The following CLEC16A variants were observed in gnomAD, a reference collection of about 807,000 sequenced individuals.
The protein encoded by CLEC16A is C-type lectin domain containing 16A, also known as protein CLEC16A.
In CLEC16A, 51 loss-of-function variants were observed where a neutral mutation model predicts 109.5. That is an observed-to-expected ratio of 0.47 (90% CI 0.37 to 0.59). The LOEUF is 0.59. Ranked by LOEUF, CLEC16A falls within the 20% of genes least tolerant of loss-of-function variation. The probability of loss-of-function intolerance (pLI) is 0.00; values close to 1 mark genes in which losing one functional copy is unlikely to be tolerated. For synonymous variants in CLEC16A, 673 were observed against 564.2 expected, an observed-to-expected ratio of 1.19 and a Z score of -2.73; for missense variants, 1,339 against 1,394.0, an observed-to-expected ratio of 0.96 and a Z score of 0.63.
At chr16:11,092,877 A>G (rs2152968127) in intron 19 of CLEC16A, among the ~76,000 whole-genome samples, 1 of 152,308 alleles carries the variant, frequency 6.6e-6, no homozygotes, top group Middle Eastern at 3.4e-3. Context: ...TTGATCCATA[A>G]TAGAATCCCC....
chr16:10,960,967 A>G lies in CLEC16A; in HGVS notation c.210-1488A>G, dbSNP rs372013790. On this transcript the variant is annotated intron_variant, in intron 2 of 23. Coordinates refer to ENST00000409790, the MANE Select transcript of CLEC16A (RefSeq NM_015226.3). Reference sequence around the variant, plus strand: ...TACTGTAAAATGCTCCAGTCCTACAATCACCCTTTTTTCCCAATGAATTGC... The same window carrying G: ...TACTGTAAAATGCTCCAGTCCTACAGTCACCCTTTTTTCCCAATGAATTGC... Among the ~76,000 whole-genome samples, 6 of 152,186 alleles carry G rather than the reference A, an allele frequency of 3.9e-5. No individual in the cohort carries two copies. The South Asian group carries it at 1.2e-3, about 32-fold the overall frequency.
intron 10 of CLEC16A, among the ~76,000 whole-genome samples, chr16:10,989,592 T>G (rs1023497176): frequency 2.6e-5 from 4 of 152,152 alleles, no homozygotes; most frequent in African/African-American, 9.7e-5. Flanking sequence ...GGTTGTGAAG[T>G]CAGGGTCTGA....
intron 19 of CLEC16A, among the ~76,000 whole-genome samples, chr16:11,066,305 T>C (rs2048752923): frequency 6.6e-6 from 1 of 151,950 alleles, no homozygotes; most frequent in African/African-American, 2.4e-5. Flanking sequence ...GACGGGACAG[T>C]CTGGGTACAG....
At chr16:10,963,046 G>T (rs1320222719) in intron 3 of CLEC16A, among the ~76,000 whole-genome samples, 1 of 151,740 alleles carries the variant, frequency 6.6e-6, no homozygotes, top group Non-Finnish European at 1.5e-5. Flanking sequence ...GACAGAGCAA[G>T]ACCTTGTCTC....
intron 22 of CLEC16A, among the ~76,000 whole-genome samples, chr16:11,143,515 C>T (rs1009845769): frequency 2.6e-5 from 4 of 152,216 alleles, no homozygotes; most frequent in Non-Finnish European, 4.4e-5. Flanking sequence ...TAGCACCCTC[C>T]CCCTAGCAAC....
At chr16:11,108,309 G>A (rs867529428) in intron 19 of CLEC16A, among the ~76,000 whole-genome samples, 13 of 152,358 alleles carry the variant, frequency 8.5e-5, no homozygotes, top group Middle Eastern at 3.4e-3. Flanking sequence ...AGCCAAAGAA[G>A]GAACTAGGTC....
At chr16:11,099,437 G>A (rs542007562) in intron 19 of CLEC16A, among the ~76,000 whole-genome samples, 4 of 152,192 alleles carry the variant, frequency 2.6e-5, no homozygotes, top group Non-Finnish European at 5.9e-5. Context: ...GCAAGACAAC[G>A]GAAAAAGGAT....
chr16:11,047,649 G>A (rs1031060875), intron 17 of CLEC16A: 4 of 207,934 alleles, frequency 1.9e-5, no homozygotes, highest in Non-Finnish European at 2.9e-5. Context: ...ATAGCATGCT[G>A]TACAGATTAT....
At chr16:11,060,174 G>T (rs1425424901) in intron 18 of CLEC16A, among the ~76,000 whole-genome samples, 2 of 152,222 alleles carry the variant, frequency 1.3e-5, no homozygotes, top group African/African-American at 4.8e-5. Context: ...CCCTGTGCTG[G>T]TGGATCCACC....
intron 10 of CLEC16A, among the ~76,000 whole-genome samples, chr16:10,983,267 G>A (rs914986378): frequency 1.3e-5 from 2 of 152,154 alleles, no homozygotes; most frequent in Non-Finnish European, 2.9e-5. Flanking sequence ...CACTGTTATC[G>A]GGACACAGTG....
At chr16:11,147,904 T>G (rs2054133039) in intron 22 of CLEC16A, among the ~76,000 whole-genome samples, 1 of 152,246 alleles carries the variant, frequency 6.6e-6, no homozygotes, top group Admixed American at 6.5e-5. Context: ...TTGGAAACCT[T>G]GATGCAATCC....
rs146788338 is a variant in CLEC16A, at chr16:10,950,284, G to A, written c.80+5487G>A. 5.3e-3 allele frequency among the ~76,000 whole-genome samples: 814 copies of A among 152,286 alleles called. 6 individuals are homozygous for A. Among genetic ancestry groups the A allele is most frequent in the Middle Eastern group, 0.031 (9 of 294 alleles). ...AAGCCTGTATGGCTTGTTCAGCTGG[G>A]TACTGGTATGCCAGCACAGGACGTG... On this transcript the variant is annotated intron_variant, in intron 1 of 23. Transcript: ENST00000409790.
At chr16:11,047,188 GA>G in intron 16 of CLEC16A, 103 bp from the exon 17 acceptor site, 1 of 802,350 alleles carries the variant, frequency 1.2e-6, no homozygotes, top group Non-Finnish European at 1.9e-6. Context: ...TCACTAATGA[GA>G]AACAGATGGC....
intron 22 of CLEC16A, among the ~76,000 whole-genome samples, 167 bp from the exon 23 acceptor site, chr16:11,166,221 T>G (rs2068253961): frequency 6.6e-6 from 1 of 152,222 alleles, no homozygotes; most frequent in African/African-American, 2.4e-5. Flanking sequence ...TGAAATAGCT[T>G]CAAAATGTGG....
chr16:11,054,536 T>G (rs886722234), intron 18 of CLEC16A, among the ~76,000 whole-genome samples: 7 of 152,210 alleles, frequency 4.6e-5, no homozygotes, highest in Admixed American at 2.0e-4. Context: ...CTCTAGAGTC[T>G]CTTTGCCTGT....
intron 19 of CLEC16A, among the ~76,000 whole-genome samples, chr16:11,073,688 C>G (rs2049193451): frequency 6.6e-6 from 1 of 152,208 alleles, no homozygotes; most frequent in African/African-American, 2.4e-5. Flanking sequence ...TCGCCCCTGC[C>G]TGGATGGCCC....
chr16:11,027,598 T>C (rs2046485386), intron 13 of CLEC16A: 2 of 1,558,800 alleles, frequency 1.3e-6, no homozygotes, highest in Non-Finnish European at 1.7e-6. Context: ...ATTCATGAAA[T>C]TGCATTCCCA....
intron 9 of CLEC16A, among the ~76,000 whole-genome samples, chr16:10,981,414 T>C (rs1019922773): frequency 5.3e-5 from 8 of 152,186 alleles, no homozygotes; most frequent in Non-Finnish European, 1.0e-4. Flanking sequence ...GTGGTCTCTG[T>C]GATAGAAAAG....
chr16:10,985,786 C>T (rs1452477613), intron 10 of CLEC16A, among the ~76,000 whole-genome samples: 5 of 123,220 alleles, frequency 4.1e-5, no homozygotes, highest in East Asian at 2.3e-4. Flanking sequence ...GGCGTGATCT[C>T]GGCTCACTGC....
Sources: allele counts gnomAD v4.1 joint callset (sites outside exome capture counted in the v4.1 genomes callset), GRCh38; gene constraint gnomAD v4.1.1; transcripts MANE v1.5; gene names NCBI Gene and HGNC (gene_info 2026-07-23, HGNC 2026-07-21).